TFB1M: variants seen among roughly 807,000 people sequenced by gnomAD.
The protein encoded by TFB1M is transcription factor B1, mitochondrial, also known as dimethyladenosine transferase 1, mitochondrial.
In TFB1M, 27 loss-of-function variants were observed where a neutral mutation model predicts 31.1. The observed-to-expected ratio is 0.87, with a 90% CI of 0.64 to 1.20. The LOEUF (loss-of-function observed/expected upper bound fraction) is 1.20. Ranked by LOEUF, TFB1M falls within the 50% of genes most tolerant of loss-of-function variation. The pLI is 0.00. For synonymous variants in TFB1M, 166 were observed against 151.8 expected (o/e 1.09, Z -0.69); for missense variants, 394 against 418.7 (o/e 0.94, Z 0.51).
chr6:155,301,340 A>G (rs942429438), intron 2 of TFB1M, among the ~76,000 whole-genome samples: 1 of 152,230 alleles, frequency 6.6e-6, no homozygotes, highest in African/African-American at 2.4e-5. Flanking sequence ...CTAAATTGAT[A>G]TTATGATTAT....
At chr6:155,239,269 G>T in the TFB1M span, among the ~76,000 whole-genome samples, 1 of 152,200 alleles carries the variant, frequency 6.6e-6, no homozygotes, top group Admixed American at 6.5e-5. Flanking sequence ...GGCTGTTAAT[G>T]GATGCCAGTC....
intron 5 of TFB1M, among the ~76,000 whole-genome samples, chr6:155,284,295 T>A (rs1460748768): frequency 1.3e-5 from 2 of 152,192 alleles, no homozygotes; most frequent in Non-Finnish European, 2.9e-5. Flanking sequence ...TAATGCATTT[T>A]TTTCCATGCT....
At chr6:155,266,970 C>CT (rs375412255) in intron 5 of TFB1M, among the ~76,000 whole-genome samples, 7,536 of 127,290 alleles carry the variant, frequency 0.059, 311 homozygotes, top group Non-Finnish European at 0.071. Context: ...ACTTTGCTGC[C>CT]TTTTTTTTTT....
chr6:155,247,607 C>T, the TFB1M span, among the ~76,000 whole-genome samples: 3 of 152,320 alleles, frequency 2.0e-5, no homozygotes, highest in Middle Eastern at 3.4e-3. Flanking sequence ...GGATTACGGG[C>T]GTGAGCCACC....
intron 5 of TFB1M, among the ~76,000 whole-genome samples, chr6:155,284,462 G>C (rs1437459188): frequency 6.6e-6 from 1 of 152,130 alleles, no homozygotes; most frequent in African/African-American, 2.4e-5. Context: ...TATCCCTGTA[G>C]ACTCCCCTTG....
chr6:155,250,625 G>T, the TFB1M span: 1 of 1,535,804 alleles, frequency 6.5e-7, no homozygotes, highest in African/African-American at 1.4e-5. Context: ...ACGGACACTG[G>T]TAGAGTTCAT....
chr6:155,293,234 C>T (rs982422368), intron 4 of TFB1M, among the ~76,000 whole-genome samples: 4 of 152,082 alleles, frequency 2.6e-5, no homozygotes, highest in African/African-American at 9.7e-5. Flanking sequence ...GATCCAAAGA[C>T]CCAAATGGAA....
At chr6:155,266,602 T>C (rs999964203) in intron 5 of TFB1M, among the ~76,000 whole-genome samples, 1 of 151,902 alleles carries the variant, frequency 6.6e-6, no homozygotes, top group Non-Finnish European at 1.5e-5. Flanking sequence ...ATCCCAGCAC[T>C]TTGGAAGGCC....
chr6:155,246,362 T>C, the TFB1M span, among the ~76,000 whole-genome samples: 13 of 152,164 alleles, frequency 8.5e-5, no homozygotes, highest in African/African-American at 2.9e-4. Flanking sequence ...ATTTAAAAAG[T>C]GGGGTCTTAG....
At chr6:155,231,526 C>G in the TFB1M span, among the ~76,000 whole-genome samples, 1 of 152,222 alleles carries the variant, frequency 6.6e-6, no homozygotes, top group Non-Finnish European at 1.5e-5. Flanking sequence ...CACACCCTGC[C>G]AAGGGGCTGA....
At position 155,257,273 on chromosome 6, in the gene TFB1M, G is replaced by GTTA. The variant is rs989262757; in HGVS notation, c.*560_*562dup. On this transcript the variant is annotated 3_prime_UTR_variant, in exon 7 of 7. Coordinates refer to ENST00000367166, the MANE Select transcript of TFB1M (RefSeq NM_016020.4). Reference sequence around the variant, plus strand: ...CCACAAAATGGTTGTAAAGATTTAAGTTATTTTAATTTATTGTGGATCAGA... The same window carrying GTTA: ...CCACAAAATGGTTGTAAAGATTTAAGTTATTATTTTAATTTATTGTGGATCAGA... 6 of 879,334 alleles carry GTTA rather than the reference G, an allele frequency of 6.8e-6. No individual in the cohort carries two copies. Among genetic ancestry groups the GTTA allele is most frequent in the African/African-American group, 3.4e-5 (2 of 58,204 alleles). The allele number at this position is 879,334 out of a possible 1,614,324, so 54.5% of individuals were successfully genotyped here. A position where few individuals can be genotyped will look rare whatever the true frequency, so the allele number is the denominator to read the frequency against.
intron 5 of TFB1M, among the ~76,000 whole-genome samples, chr6:155,269,806 T>A (rs1343101725): frequency 6.6e-6 from 1 of 152,254 alleles, no homozygotes; most frequent in Non-Finnish European, 1.5e-5. Context: ...GAAATAAAAT[T>A]GTATTTTTAA....
chr6:155,268,961 G>A (rs9478630), intron 5 of TFB1M, among the ~76,000 whole-genome samples: 577 of 83,582 alleles, frequency 6.9e-3, no homozygotes, highest in Middle Eastern at 0.024. Flanking sequence ...AAAAAAAAAA[G>A]AAAAAAGAAA....
At chr6:155,270,373 A>AT (rs1380616325) in intron 5 of TFB1M, among the ~76,000 whole-genome samples, 2 of 152,302 alleles carry the variant, frequency 1.3e-5, no homozygotes, top group Admixed American at 6.5e-5. Context: ...TAAAAGATTA[A>AT]TATCCCTTTA....
chr6:155,240,471 C>T, the TFB1M span: 1 of 1,521,876 alleles, frequency 6.6e-7, no homozygotes, highest in Non-Finnish European at 8.9e-7. Context: ...CCCTTGGGGG[C>T]AGCGGATACT....
At chr6:155,232,716 G>GT in the TFB1M span, 1 of 121,166 alleles carries the variant, frequency 8.3e-6, no homozygotes, top group African/African-American at 2.8e-5. Flanking sequence ...GGAGGGAGAG[G>GT]GATCTCCCGC....
At chr6:155,311,090 A>G (rs1777996002) in intron 2 of TFB1M, 98 bp downstream of exon 2, 2 of 1,373,842 alleles carry the variant, frequency 1.5e-6, no homozygotes, top group Non-Finnish European at 2.1e-6. Context: ...TTGAGGAAAA[A>G]CCTACATAAT....
intron 4 of TFB1M, among the ~76,000 whole-genome samples, chr6:155,287,816 A>G (rs1776734475): frequency 6.6e-6 from 1 of 152,282 alleles, no homozygotes; most frequent in African/African-American, 2.4e-5. Context: ...TCTAAAATGT[A>G]TCTTGCCTCT....
chr6:155,240,793 T>TTTTTTTAATGATACG, the TFB1M span: 2 of 1,408,042 alleles, frequency 1.4e-6, no homozygotes, highest in East Asian at 4.9e-5. Context: ...AGATCACCTC[T>TTTTTTTAATGATACG]GCCCAGGACA....
Sources: gnomAD v4.1 joint callset for allele counts (sites outside exome capture counted in the v4.1 genomes callset) on GRCh38, gnomAD v4.1.1 for gene constraint, MANE v1.5 for transcripts, NCBI Gene and HGNC (gene_info 2026-07-23, HGNC 2026-07-21) for gene names.